The following PCDHA5 variants were observed in gnomAD, a reference collection of about 807,000 sequenced individuals.
PCDHA5 encodes the protein protocadherin alpha 5.
PCDHA5 carries 43 observed loss-of-function variants against 61.6 expected under a neutral mutation model. That is an observed-to-expected ratio of 0.70 (90% CI 0.55 to 0.90). The LOEUF is 0.90. Among genes scored for constraint, PCDHA5 ranks in the 40% least tolerant of loss-of-function variants. The probability of loss-of-function intolerance (pLI) is 0.00; values close to 1 mark genes in which losing one functional copy is unlikely to be tolerated. For missense variants in PCDHA5, 1,298 were observed against 1,222.7 expected (o/e 1.06, Z -0.92); for synonymous variants, 627 against 543.9 (o/e 1.15, Z -2.13).
At chr5:140,874,045 A>C (rs1365438306) in intron 1 of PCDHA5, among the ~76,000 whole-genome samples, 1 of 152,212 alleles carries the variant, frequency 6.6e-6, no homozygotes, top group East Asian at 1.9e-4. Flanking sequence ...CTTGGTGATG[A>C]TATTAGACAA....
chr5:140,834,332 A>G (rs1179395632), intron 1 of PCDHA5: 7 of 1,485,034 alleles, frequency 4.7e-6, no homozygotes, highest in Non-Finnish European at 6.4e-6. Context: ...AAACATTCCT[A>G]TAAATTCGAA....
chr5:140,877,663 C>T (rs1554169960), intron 1 of PCDHA5: 22 of 1,613,432 alleles, frequency 1.4e-5, no homozygotes, highest in Admixed American at 1.7e-5. Context: ...CACCGTGAGC[C>T]GGTGCGCGCC....
chr5:140,958,799 C>T (rs889190378), intron 1 of PCDHA5, among the ~76,000 whole-genome samples: 3 of 152,104 alleles, frequency 2.0e-5, no homozygotes, highest in African/African-American at 7.2e-5. Context: ...AGTAAATTAT[C>T]ACACCATTCT....
At chr5:140,881,224 A>G (rs1254771945) in intron 1 of PCDHA5, 1 of 264,386 alleles carries the variant, frequency 3.8e-6, no homozygotes, top group Non-Finnish European at 5.9e-6. Context: ...TTCTTGGAAA[A>G]TTAAAGTCAA....
At chr5:140,835,806 T>G (rs1271549393) in intron 1 of PCDHA5, 2 of 1,612,866 alleles carry the variant, frequency 1.2e-6, no homozygotes, top group African/African-American at 2.7e-5. Flanking sequence ...CTGCCACATC[T>G]TCACTGTGTC....
chr5:140,954,441 G>A (rs1411694581), intron 1 of PCDHA5, among the ~76,000 whole-genome samples: 2 of 151,498 alleles, frequency 1.3e-5, no homozygotes, highest in Non-Finnish European at 3.0e-5. Flanking sequence ...TGTTGTTTCT[G>A]GACTTGTTAA....
chr5:140,836,312 G>A, intron 1 of PCDHA5: 1 of 1,613,712 alleles, frequency 6.2e-7, no homozygotes, highest in Non-Finnish European at 8.5e-7. Flanking sequence ...CGGACGCACC[G>A]CGCCACCGCC....
chr5:140,834,743 C>A (rs2150225305), intron 1 of PCDHA5: 4 of 1,614,056 alleles, frequency 2.5e-6, no homozygotes, highest in African/African-American at 1.3e-5. Context: ...TCCATGTGGA[C>A]GTGGAGGTGA....
At position 140,847,877 on chromosome 5, in the gene PCDHA5, C is replaced by G. The variant is rs1305831915; in HGVS notation, c.2352+23750C>G. On this transcript the variant is annotated intron_variant, in intron 1 of 3. Coordinates refer to ENST00000529859, the MANE Select transcript of PCDHA5 (RefSeq NM_018908.3). ...TGTTGATTCCTTTTACCAGACATGA[C>G]TAAGTTTCTTTTTCATCAGTAGATT... 5 of 149,752 alleles carry G rather than the reference C, an allele frequency of 3.3e-5. 1 individual carries two copies. The highest frequency in any genetic ancestry group is 7.5e-5 in the Non-Finnish European group (5 of 66,994). 9.3% of individuals were successfully genotyped at this position (149,752 alleles called of 1,614,324 possible). A position where few individuals can be genotyped will look rare whatever the true frequency, so the allele number is the denominator to read the frequency against.
At chr5:140,971,434 A>T (rs1243393478) in intron 1 of PCDHA5, among the ~76,000 whole-genome samples, 1 of 152,188 alleles carries the variant, frequency 6.6e-6, no homozygotes, top group Non-Finnish European at 1.5e-5. Flanking sequence ...GAACCCCAAG[A>T]TCTACAGCTC....
intron 1 of PCDHA5, chr5:140,877,868 T>G: frequency 6.7e-7 from 1 of 1,488,916 alleles, no homozygotes; most frequent in Non-Finnish European, 8.9e-7. Context: ...TTAGATATAT[T>G]TGTTTCCTTG....
Position 140,852,025 on chromosome 5 carries a change from G to A in PCDHA5, c.2352+27898G>A, listed in dbSNP as rs955032010. 1.9e-4 allele frequency: 179 copies of A among 947,094 alleles called. 7 individuals are homozygous for A. The highest frequency in any genetic ancestry group is 4.5e-4 in the African/African-American group (25 of 55,960). The allele number at this position is 947,094 out of a possible 1,614,324, so 58.7% of individuals were successfully genotyped here. A position where few individuals can be genotyped will look rare whatever the true frequency, so the allele number is the denominator to read the frequency against. On this transcript the variant is annotated intron_variant, in intron 1 of 3. Coordinates refer to ENST00000529859, the MANE Select transcript of PCDHA5 (RefSeq NM_018908.3). ...TCTAATTTATAGTTTTAAAAACTTC[G>A]CTTATTGAGTTTTTGTTATGTGGTT...
intron 1 of PCDHA5, among the ~76,000 whole-genome samples, chr5:140,953,471 C>T (rs554082808): frequency 3.9e-5 from 6 of 152,074 alleles, no homozygotes; most frequent in Non-Finnish European, 7.4e-5. Flanking sequence ...TTTTAACTTC[C>T]TCATGCTGTG....
chr5:140,950,917 A>ACT (rs1554219681), intron 1 of PCDHA5, among the ~76,000 whole-genome samples: 4 of 151,642 alleles, frequency 2.6e-5, no homozygotes, highest in African/African-American at 9.7e-5. Context: ...ATTTTATTTC[A>ACT]GTTCTTTTTC....
chr5:140,837,266 T>C (rs1774990691), intron 1 of PCDHA5: 1 of 152,238 alleles, frequency 6.6e-6, no homozygotes, highest in African/African-American at 2.4e-5. Context: ...CATATTTGTG[T>C]AGCACTGACT....
At chr5:140,968,116 A>C in intron 1 of PCDHA5, 1 of 1,614,174 alleles carries the variant, frequency 6.2e-7, no homozygotes, top group South Asian at 1.1e-5. Context: ...CGCAGCTCAC[A>C]TCCCTGCGTA....
chr5:141,010,225 C>T lies in PCDHA5; in HGVS notation c.*288C>T. The T allele has an allele frequency of 6.4e-7, 1 of 1,551,848 alleles. No homozygotes were observed. The highest frequency in any genetic ancestry group is 8.7e-7 in the Non-Finnish European group (1 of 1,147,026). The stretch of plus-strand genomic sequence containing the variant: ...CCGCCGCAAAGGAGAGGCTTCCCAG[C>T]CCCGCCAGTGAGAGGTTGGACTCTC... On this transcript the variant is annotated 3_prime_UTR_variant, in exon 4 of 4. Coordinates refer to ENST00000529859, the MANE Select transcript of PCDHA5 (RefSeq NM_018908.3).
intron 1 of PCDHA5, among the ~76,000 whole-genome samples, chr5:140,957,130 A>G (rs1554222831): frequency 6.6e-6 from 1 of 152,188 alleles, no homozygotes; most frequent in East Asian, 1.9e-4. Context: ...TCTTTACTAC[A>G]CTATGAACTA....
At chr5:140,889,414 C>T (rs1014981678) in intron 1 of PCDHA5, among the ~76,000 whole-genome samples, 3 of 151,934 alleles carry the variant, frequency 2.0e-5, no homozygotes, top group Admixed American at 6.6e-5. Flanking sequence ...GAGTCAGTTA[C>T]GTAGATAATA....
Sources: gnomAD v4.1 joint callset for allele counts (sites outside exome capture counted in the v4.1 genomes callset) on GRCh38, gnomAD v4.1.1 for gene constraint, MANE v1.5 for transcripts, NCBI Gene and HGNC (gene_info 2026-07-23, HGNC 2026-07-21) for gene names.